Variants in KYNU observed in about 807,000 individuals in gnomAD.
The protein encoded by KYNU is L-kynurenine hydrolase.
In KYNU, 54 loss-of-function variants were observed where a neutral mutation model predicts 59.2. The observed-to-expected ratio is 0.91, with a 90% CI of 0.73 to 1.14. KYNU has a LOEUF of 1.14. Among genes scored for constraint, KYNU ranks in the 50% most tolerant of loss-of-function variants. KYNU has a pLI of 0.00. For synonymous variants in KYNU, 177 were observed against 192.0 expected, an observed-to-expected ratio of 0.92 and a Z score of 0.65; for missense variants, 567 against 554.4, an observed-to-expected ratio of 1.02 and a Z score of -0.23.
chr2:142,945,750 T>A (rs1344073253), intron 4 of KYNU, among the ~76,000 whole-genome samples: 1 of 151,764 alleles, frequency 6.6e-6, no homozygotes, highest in Non-Finnish European at 1.5e-5. Context: ...ATTTAATTTT[T>A]TTTTTTTTGG....
intron 12 of KYNU, among the ~76,000 whole-genome samples, chr2:143,034,815 A>C (rs1686848049): frequency 6.6e-6 from 1 of 152,212 alleles, no homozygotes; most frequent in Admixed American, 6.5e-5. Flanking sequence ...TATCAGCGAG[A>C]TGTGTGACAA....
chr2:143,026,682 G>T (rs1041712128), intron 10 of KYNU, among the ~76,000 whole-genome samples: 2 of 152,206 alleles, frequency 1.3e-5, no homozygotes, highest in African/African-American at 4.8e-5. Context: ...CCAACCGGGG[G>T]TGCCTGCGAC....
chr2:142,963,283 A>G (rs1048473575), intron 8 of KYNU, among the ~76,000 whole-genome samples: 1 of 152,204 alleles, frequency 6.6e-6, no homozygotes, highest in Non-Finnish European at 1.5e-5. Flanking sequence ...AGAATCCTCA[A>G]TCGTGTCTTC....
At chr2:142,890,724 C>T (rs745479699) in intron 2 of KYNU, among the ~76,000 whole-genome samples, 25 of 152,114 alleles carry the variant, frequency 1.6e-4, no homozygotes, top group Admixed American at 9.2e-4. Context: ...GTAGTCCTCC[C>T]GCCTCAGCCT....
At chr2:142,903,579 A>G (rs1457309927) in intron 2 of KYNU, among the ~76,000 whole-genome samples, 9 of 151,936 alleles carry the variant, frequency 5.9e-5, no homozygotes, top group Non-Finnish European at 1.3e-4. Flanking sequence ...GGAGAGTAAG[A>G]CTGAGAAGGC....
At chr2:142,980,176 T>C (rs1168497406) in intron 8 of KYNU, among the ~76,000 whole-genome samples, 1 of 149,514 alleles carries the variant, frequency 6.7e-6, no homozygotes, top group African/African-American at 2.5e-5. Flanking sequence ...GGGAGTGTCT[T>C]TTAGCATGCT....
rs114569827 is a variant in KYNU at position 143,030,995 on chromosome 2, C to T, written c.955+1316C>T. Among the ~76,000 whole-genome samples the T allele has an allele frequency of 3.5e-3, 527 of 152,194 alleles. 6 individuals carry two copies. The highest frequency in any genetic ancestry group is 0.012 in the African/African-American group (496 of 41,514). ...TACTAAAAGTGGAAAACACAATGGGCGTATGGGTAGTCGAAGTATGGCTTC... is the reference window on the plus strand; with the variant it reads ...TACTAAAAGTGGAAAACACAATGGGTGTATGGGTAGTCGAAGTATGGCTTC... On this transcript the variant is annotated intron_variant, in intron 11 of 13. Transcript: ENST00000264170.
intron 4 of KYNU, among the ~76,000 whole-genome samples, chr2:142,935,323 C>A (rs352900): frequency 0.027 from 4,060 of 152,284 alleles, 176 homozygotes; most frequent in Admixed American, 0.11. Context: ...ACTCTATGGG[C>A]ACCCTTTTTG....
intron 2 of KYNU, among the ~76,000 whole-genome samples, chr2:142,890,047 C>G (rs1039288857): frequency 2.0e-5 from 3 of 150,612 alleles, no homozygotes; most frequent in Admixed American, 6.6e-5. Context: ...AGAAAGGGGT[C>G]AAAAATATTT....
At chr2:142,929,681 T>C (rs1259913461) in intron 4 of KYNU, among the ~76,000 whole-genome samples, 1 of 152,154 alleles carries the variant, frequency 6.6e-6, no homozygotes, top group Admixed American at 6.6e-5. Flanking sequence ...TGTAGTAGTT[T>C]ATAGGTCATA....
chr2:142,917,363 G>A (rs922397670), intron 2 of KYNU, among the ~76,000 whole-genome samples: 2 of 152,058 alleles, frequency 1.3e-5, no homozygotes, highest in Non-Finnish European at 2.9e-5. Flanking sequence ...AAGCACAGGA[G>A]CCATGAAAAC....
chr2:142,920,104 T>A (rs1381458863), intron 3 of KYNU, among the ~76,000 whole-genome samples: 1 of 152,164 alleles, frequency 6.6e-6, no homozygotes, highest in Non-Finnish European at 1.5e-5. Context: ...ACTGTGCAAA[T>A]GATTACAACT....
At chr2:143,016,339 A>C (rs1686244734) in intron 10 of KYNU, among the ~76,000 whole-genome samples, 1 of 152,252 alleles carries the variant, frequency 6.6e-6, no homozygotes, top group Admixed American at 6.5e-5. Context: ...GTTAATATGT[A>C]ATTTAGGAAA....
At chr2:143,020,733 A>G (rs1241800272) in intron 10 of KYNU, among the ~76,000 whole-genome samples, 1 of 152,194 alleles carries the variant, frequency 6.6e-6, no homozygotes, top group Admixed American at 6.5e-5. Flanking sequence ...GACTGTTACT[A>G]AAAAGATGCA....
In KYNU at chr2:143,049,982, A is replaced by G. The variant is rs1687235891; in HGVS notation, c.*7810A>G. 1 of 149,582 alleles carries G rather than the reference A, an allele frequency of 6.7e-6. No homozygotes were observed. The highest frequency in any genetic ancestry group is 1.9e-4 in the East Asian group (1 of 5,146). 9.3% of individuals were successfully genotyped at this position (149,582 alleles called of 1,614,324 possible). On this transcript the variant is annotated 3_prime_UTR_variant, in exon 14 of 14. Transcript: ENST00000264170. ...AATTCTTGTTTTCGGTTTTTTTCCA[A>G]TCACATAAGTAGGATTTACCTGAAT...
At position 143,053,128 on chromosome 2, in the gene KYNU, G is replaced by A. The variant is rs766901424; in HGVS notation, c.*10956G>A. The A allele has an allele frequency of 6.6e-5, 10 of 152,246 alleles. No individual in the cohort carries two copies. Among genetic ancestry groups the A allele is most frequent in the Non-Finnish European group, 8.8e-5 (6 of 68,068 alleles). 9.4% of individuals were successfully genotyped at this position (152,246 alleles called of 1,614,324 possible). On this transcript the variant is annotated 3_prime_UTR_variant, in exon 14 of 14. Transcript: ENST00000264170. Reference sequence around the variant, plus strand: ...CTTTCATGGGGCCTGTAGCCCCTTCGTTTTGGCCAATGCCTCCCATTTGGA... The same window carrying A: ...CTTTCATGGGGCCTGTAGCCCCTTCATTTTGGCCAATGCCTCCCATTTGGA...
intron 8 of KYNU, among the ~76,000 whole-genome samples, chr2:142,976,305 C>T (rs571678039): frequency 6.6e-6 from 1 of 152,270 alleles, no homozygotes; most frequent in South Asian, 2.1e-4. Context: ...ACCTGGGGCC[C>T]TTTCTTTGTT....
At chr2:142,970,894 G>A (rs774573022) in intron 8 of KYNU, among the ~76,000 whole-genome samples, 13 of 151,824 alleles carry the variant, frequency 8.6e-5, no homozygotes, top group Non-Finnish European at 1.8e-4. Flanking sequence ...GTGCCTCCTT[G>A]TCTTCCTTTT....
chr2:142,925,317 T>C (rs1683015462), intron 3 of KYNU, among the ~76,000 whole-genome samples: 1 of 152,236 alleles, frequency 6.6e-6, no homozygotes, highest in Non-Finnish European at 1.5e-5. Context: ...ATTGCCCCTC[T>C]CTTCCATCCT....
Sources: gnomAD v4.1 joint callset for allele counts (sites outside exome capture counted in the v4.1 genomes callset) on GRCh38, gnomAD v4.1.1 for gene constraint, MANE v1.5 for transcripts, NCBI Gene and HGNC (gene_info 2026-07-23, HGNC 2026-07-21) for gene names.